Variants in MEGF10 observed in about 807,000 individuals in gnomAD.
The protein encoded by MEGF10 is multiple epidermal growth factor-like domains protein 10.
In MEGF10, 86 loss-of-function variants were observed where a neutral mutation model predicts 147.5. The ratio of observed to expected loss-of-function variants is 0.58; its 90% CI spans 0.49 to 0.70. The LOEUF (loss-of-function observed/expected upper bound fraction) is 0.70. MEGF10 is among the 30% of genes least tolerant of loss of function. MEGF10 has a pLI of 0.00. For synonymous variants in MEGF10, 478 were observed against 525.5 expected (o/e 0.91, Z 1.24); for missense variants, 1,329 against 1,487.3 (o/e 0.89, Z 1.75).
At chr5:127,310,017 T>C (rs1186822684) in intron 1 of MEGF10, among the ~76,000 whole-genome samples, 1,816 of 22,796 alleles carry the variant, frequency 0.08, 289 homozygotes, top group African/African-American at 0.2. Flanking sequence ...TTCCTTTCTT[T>C]TTTTCTTTCT....
At chr5:127,380,113 A>G (rs1046097502) in intron 5 of MEGF10, among the ~76,000 whole-genome samples, 1 of 150,030 alleles carries the variant, frequency 6.7e-6, no homozygotes, top group Non-Finnish European at 1.5e-5. Flanking sequence ...TGTAAGCCCC[A>G]TGAAAACATG....
chr5:127,237,578 C>A, the MEGF10 span, among the ~76,000 whole-genome samples: 2 of 152,026 alleles, frequency 1.3e-5, no homozygotes, highest in Non-Finnish European at 2.9e-5. Flanking sequence ...AGAAAACATG[C>A]TATGTGTGTT....
At chr5:127,422,565 G>T in intron 12 of MEGF10, 105 bp from the exon 13 acceptor site, 1 of 804,072 alleles carries the variant, frequency 1.2e-6, no homozygotes, top group Non-Finnish European at 2.1e-6. Flanking sequence ...AAGCGTTTGG[G>T]ACAGCAGGGT....
chr5:127,322,410 C>G (rs577907178), intron 1 of MEGF10, among the ~76,000 whole-genome samples: 2 of 152,298 alleles, frequency 1.3e-5, no homozygotes, highest in South Asian at 4.1e-4. Flanking sequence ...ACTGCTCCAT[C>G]TACCCAGCAA....
intron 4 of MEGF10, among the ~76,000 whole-genome samples, chr5:127,342,372 A>G (rs1761717298): frequency 6.6e-6 from 1 of 152,148 alleles, no homozygotes; most frequent in Admixed American, 6.6e-5. Context: ...GTCTCCCAGC[A>G]CACATTTCTA....
At chr5:127,261,675 A>G in the MEGF10 span, among the ~76,000 whole-genome samples, 4 of 152,194 alleles carry the variant, frequency 2.6e-5, no homozygotes, top group African/African-American at 7.2e-5. Flanking sequence ...AAGAATTGCT[A>G]TACTGATTGT....
Position 127,459,287 on chromosome 5 carries a change from G to C in MEGF10, c.*1969G>C, listed in dbSNP as rs1766478882. ...ACACACTTAGAACACTCACTGCACT[G>C]GTGGCTGTTCATTTTGAGGAACTCC... On this transcript the variant is annotated 3_prime_UTR_variant, in exon 25 of 25. Coordinates refer to ENST00000503335, the MANE Select transcript of MEGF10 (RefSeq NM_001256545.2). 1 of 152,134 alleles carries C rather than the reference G, an allele frequency of 6.6e-6. No individual in the cohort carries two copies. The highest frequency in any genetic ancestry group is 2.4e-5 in the African/African-American group (1 of 41,428). The allele number at this position is 152,134 out of a possible 1,614,324, so 9.4% of individuals were successfully genotyped here. A position where few individuals can be genotyped will look rare whatever the true frequency, so the allele number is the denominator to read the frequency against.
intron 5 of MEGF10, among the ~76,000 whole-genome samples, chr5:127,394,421 G>GAAA (rs992400526): frequency 6.6e-6 from 1 of 151,942 alleles, no homozygotes; most frequent in Non-Finnish European, 1.5e-5. Context: ...AAAGTCAGGA[G>GAAA]AAAAAAAGGA....
chr5:127,330,409 T>G (rs936766051), intron 1 of MEGF10, among the ~76,000 whole-genome samples: 4 of 152,144 alleles, frequency 2.6e-5, no homozygotes, highest in Non-Finnish European at 4.4e-5. Context: ...TGTCCCCTTT[T>G]TCTTGCCATG....
chr5:127,242,344 T>C, the MEGF10 span, among the ~76,000 whole-genome samples: 5 of 152,228 alleles, frequency 3.3e-5, no homozygotes, highest in African/African-American at 4.8e-5. Flanking sequence ...GGGAATACTC[T>C]TCCTATATAA....
intron 5 of MEGF10, among the ~76,000 whole-genome samples, chr5:127,374,535 C>G (rs1384204691): frequency 6.6e-6 from 1 of 152,188 alleles, no homozygotes; most frequent in Non-Finnish European, 1.5e-5. Context: ...TGTATTTCCA[C>G]CTAATATACA....
At chr5:127,277,281 T>C in the MEGF10 span, among the ~76,000 whole-genome samples, 1 of 152,162 alleles carries the variant, frequency 6.6e-6, no homozygotes, top group African/African-American at 2.4e-5. Context: ...TTATGCTCTC[T>C]CCTGGGAGCA....
At position 127,392,735 on chromosome 5, in the gene MEGF10, T is replaced by A. The variant is rs13360876; in HGVS notation, c.413-3797T>A. Among the ~76,000 whole-genome samples the A allele has an allele frequency of 8.8e-3, 1,348 of 152,328 alleles. 27 individuals are homozygous for A. Among genetic ancestry groups the A allele is most frequent in the African/African-American group, 0.031 (1,276 of 41,568 alleles). On this transcript the variant is annotated intron_variant, in intron 5 of 24. Coordinates refer to ENST00000503335, the MANE Select transcript of MEGF10 (RefSeq NM_001256545.2). The stretch of plus-strand genomic sequence containing the variant: ...GAAGTTATAACCGTAAGGGTTCCAA[T>A]GTGAGTCTATTGTCTTGAGAAGATC...
At chr5:127,279,100 G>A in the MEGF10 span, among the ~76,000 whole-genome samples, 1 of 152,162 alleles carries the variant, frequency 6.6e-6, no homozygotes, top group Non-Finnish European at 1.5e-5. Context: ...GAGCAAATGA[G>A]TTGAGTGTAT....
intron 1 of MEGF10, among the ~76,000 whole-genome samples, chr5:127,321,519 A>AT (rs1760784229): frequency 6.6e-6 from 1 of 151,878 alleles, no homozygotes; most frequent in African/African-American, 2.4e-5. Context: ...ATTTTCTAAG[A>AT]TTTTGGTTTT....
At chr5:127,454,467 G>C in intron 22 of MEGF10, 99 bp from the exon 23 acceptor site, 1 of 1,000,112 alleles carries the variant, frequency 1.0e-6, no homozygotes, top group East Asian at 2.5e-5. Flanking sequence ...CTGGTTGTTT[G>C]CTGCAGTGGG....
chr5:127,364,005 A>G (rs1762569008), intron 4 of MEGF10, among the ~76,000 whole-genome samples: 1 of 152,150 alleles, frequency 6.6e-6, no homozygotes, highest in African/African-American at 2.4e-5. Flanking sequence ...CATTATTTCA[A>G]AGATATCCAC....
the MEGF10 span, among the ~76,000 whole-genome samples, chr5:127,241,140 T>C: frequency 6.6e-6 from 1 of 152,242 alleles, no homozygotes; most frequent in South Asian, 2.1e-4. Flanking sequence ...CTGATATTTA[T>C]ATAACCCAAT....
intron 4 of MEGF10, among the ~76,000 whole-genome samples, chr5:127,353,207 C>T (rs1321823297): frequency 6.6e-6 from 1 of 152,222 alleles, no homozygotes; most frequent in East Asian, 1.9e-4. Context: ...AGGAGAGAGA[C>T]TCGTGATCCC....
Sources: allele counts gnomAD v4.1 joint callset (sites outside exome capture counted in the v4.1 genomes callset), GRCh38; gene constraint gnomAD v4.1.1; transcripts MANE v1.5; gene names NCBI Gene and HGNC (gene_info 2026-07-23, HGNC 2026-07-21).